Variants in AKAP10 observed in about 807,000 individuals in gnomAD.
AKAP10 encodes A-kinase anchor protein 10, mitochondrial.
In AKAP10, 24 loss-of-function variants were observed where a neutral mutation model predicts 80.8. That is an observed-to-expected ratio of 0.30 (90% CI 0.22 to 0.42). The LOEUF is 0.42. Ranked by LOEUF, AKAP10 falls within the 10% of genes least tolerant of loss-of-function variation. AKAP10 has a pLI of 1.00. For missense variants in AKAP10, 661 were observed against 794.9 expected (o/e 0.83, Z 2.03); for synonymous variants, 291 against 277.7 (o/e 1.05, Z -0.48).
rs1340457791 is a variant in AKAP10 at position 19,958,358 on chromosome 17, T to A, written c.533A>T (p.Lys178Met). The change falls in exon 4 of 15, where the codon AAG becomes ATG. Residue 178 changes from lysine to methionine, a missense_variant. Lys to Met is a moderately conservative substitution (Grantham distance 95, BLOSUM62 -1). Coordinates refer to ENST00000225737, the MANE Select transcript of AKAP10 (RefSeq NM_007202.4). The part of the protein sequence containing the change: ...RIRAHSLNTV[K>M]QSSLAEPVSP... ...GACAGGCTCAGCCAGTGAGCTCTGCTTCACTGTGTTTAGACTGTGTGCTCT... is the reference window on the plus strand; with the variant it reads ...GACAGGCTCAGCCAGTGAGCTCTGCATCACTGTGTTTAGACTGTGTGCTCT... The A allele has an allele frequency of 6.2e-7, 1 of 1,614,250 alleles. No individual in the cohort carries two copies. Among genetic ancestry groups the A allele is most frequent in the Admixed American group, 1.7e-5 (1 of 60,024 alleles).
intron 12 of AKAP10, among the ~76,000 whole-genome samples, chr17:19,916,829 C>T (rs972771817): frequency 6.6e-6 from 1 of 151,426 alleles, no homozygotes; most frequent in African/African-American, 2.4e-5. Flanking sequence ...CCCTGCTACT[C>T]AGGAGGCTGA....
At chr17:19,935,687 G>A (rs1049088817) in intron 9 of AKAP10, among the ~76,000 whole-genome samples, 13 of 151,754 alleles carry the variant, frequency 8.6e-5, no homozygotes, top group African/African-American at 1.2e-4. Context: ...CCTACACAGG[G>A]TCAGGATCAT....
chr17:19,946,222 TTATATATATATATATTA>T (rs1158381677), intron 5 of AKAP10, among the ~76,000 whole-genome samples: 1 of 33,960 alleles, frequency 2.9e-5, no homozygotes, highest in South Asian at 1.1e-3. Flanking sequence ...TATATATATT[TTATATATATATATATTA>T]TATATATATA....
At chr17:19,913,529 C>A (rs940814492) in intron 12 of AKAP10, among the ~76,000 whole-genome samples, 1 of 151,996 alleles carries the variant, frequency 6.6e-6, no homozygotes, top group Non-Finnish European at 1.5e-5. Flanking sequence ...CTCAGTGATC[C>A]GCTCGCCTTG....
chr17:19,936,960 A>G (rs2042998783), intron 8 of AKAP10, among the ~76,000 whole-genome samples: 1 of 152,214 alleles, frequency 6.6e-6, no homozygotes, highest in Admixed American at 6.5e-5. Context: ...CTATTTGGAT[A>G]GAACAGGACT....
chr17:19,945,550 G>A (rs548541405), intron 5 of AKAP10, among the ~76,000 whole-genome samples: 10 of 152,206 alleles, frequency 6.6e-5, no homozygotes, highest in Admixed American at 3.3e-4. Context: ...AAGCAGATAG[G>A]GATAAGCCAC....
chr17:19,950,777 G>T (rs961076861), intron 4 of AKAP10, among the ~76,000 whole-genome samples: 2 of 151,794 alleles, frequency 1.3e-5, no homozygotes, highest in Admixed American at 1.3e-4. Context: ...CCCATCGTCT[G>T]GGATGTGAGG....
intron 1 of AKAP10, 69 bp from the exon 2 acceptor site, chr17:19,968,530 T>A: frequency 7.9e-7 from 1 of 1,260,910 alleles, no homozygotes; most frequent in Admixed American, 1.8e-5. Flanking sequence ...ACTGTAAAAA[T>A]TAGACCAGCT....
At chr17:19,951,665 A>G (rs1368031612) in intron 4 of AKAP10, among the ~76,000 whole-genome samples, 3 of 149,210 alleles carry the variant, frequency 2.0e-5, no homozygotes, top group African/African-American at 2.5e-5. Context: ...GTGGTGCAAG[A>G]TGTGCTTTGT....
chr17:19,945,380 A>C (rs1014628599), intron 5 of AKAP10, among the ~76,000 whole-genome samples: 1 of 152,180 alleles, frequency 6.6e-6, no homozygotes, highest in African/African-American at 2.4e-5. Flanking sequence ...GGCAAACTCT[A>C]ATCAGTCAGA....
chr17:19,935,086 G>A (rs1463649351), intron 9 of AKAP10, among the ~76,000 whole-genome samples: 1 of 152,198 alleles, frequency 6.6e-6, no homozygotes, highest in Non-Finnish European at 1.5e-5. Context: ...ACATCACAGA[G>A]TGTACTTATA....
At chr17:19,946,237 T>TTATA (rs1171891537) in intron 5 of AKAP10, among the ~76,000 whole-genome samples, 66 of 15,146 alleles carry the variant, frequency 4.4e-3, no homozygotes, top group African/African-American at 8.6e-3. Context: ...TATATATATA[T>TTATA]TATATATATA....
Position 19,958,495 on chromosome 17 carries a change from G to A in AKAP10, c.396C>T (p.Asp132=), listed in dbSNP as rs760352064. 4 of 1,613,260 alleles carry A rather than the reference G, an allele frequency of 2.5e-6. No individual in the cohort carries two copies. The highest frequency in any genetic ancestry group is 1.1e-5 in the South Asian group (1 of 91,086). Residue 132 remains aspartate (D), a synonymous_variant, in exon 4 of 15, where the codon GAC becomes GAT. Coordinates refer to ENST00000225737, the MANE Select transcript of AKAP10 (RefSeq NM_007202.4). The part of the protein sequence containing the change: ...LSKTLEQVLH[D]TIVLPYFIQF... ...GAATGAAGTAAGGGAGGACAATAGT[G>A]TCGTGCAAGACTTGTTCAAGGGTCT...
In AKAP10 at chr17:19,968,465, G is replaced by C. The variant is rs114782139; in HGVS notation, c.89-4C>G. ...TTCTCTTGTTCTTTGCCTTTCACTA[G>C]AACATAAAAAGATAATTATGACCAA... On this transcript the variant is annotated splice_polypyrimidine_tract_variant and splice_region_variant and intron_variant, in intron 1 of 14. Coordinates refer to ENST00000225737, the MANE Select transcript of AKAP10 (RefSeq NM_007202.4). 825 of 1,613,052 alleles carry C rather than the reference G, an allele frequency of 5.1e-4. 5 individuals carry two copies. In the African/African-American group the frequency reaches 8.8e-3, roughly 17 times the overall value.
Position 19,909,973 on chromosome 17 carries a change from T to C in AKAP10, c.1840A>G (p.Met614Val), listed in dbSNP as rs2042671311. Residue 614 changes from methionine (M) to valine (V), a missense_variant, in exon 13 of 15, where the codon ATG becomes GTG. By Grantham distance (21) the Met-to-Val change is conservative. Transcript: ENST00000225737. ...EPDVRKSKGSMFSQAMKKWVQ... is the reference protein window; with the variant it reads ...EPDVRKSKGSVFSQAMKKWVQ... Reference sequence around the variant, plus strand: ...CATTTCTTCATAGCTTGTGAGAACATGGATCCTAGTAAACAAAGACAAAAT... The same window carrying C: ...CATTTCTTCATAGCTTGTGAGAACACGGATCCTAGTAAACAAAGACAAAAT... The C allele has an allele frequency of 6.2e-7, 1 of 1,613,500 alleles. No individual in the cohort carries two copies. Among genetic ancestry groups the C allele is most frequent in the South Asian group, 1.1e-5 (1 of 91,044 alleles).
chr17:19,958,412 C>T lies in AKAP10; in HGVS notation c.479G>A (p.Ser160Asn). The T allele has an allele frequency of 6.2e-7, 1 of 1,614,190 alleles. No individual in the cohort carries two copies. Among genetic ancestry groups the T allele is most frequent in the Non-Finnish European group, 8.5e-7 (1 of 1,180,032 alleles). The change falls in exon 4 of 15, where the codon AGT becomes AAT. Residue 160 changes from serine (S) to asparagine (N), a missense_variant. Ser to Asn is a conservative substitution (Grantham distance 46). Coordinates refer to ENST00000225737, the MANE Select transcript of AKAP10 (RefSeq NM_007202.4). The stretch of plus-strand genomic sequence containing the variant: ...TCGCGACCAAGTTGTTGAATGAAAA[C>T]TTTCAGCCTCTAACCAAAATTTCAC... ...HLVKFWLEAE[S>N]FHSTTWSRIR...
At chr17:19,915,988 C>G (rs972913499) in intron 12 of AKAP10, among the ~76,000 whole-genome samples, 3 of 152,220 alleles carry the variant, frequency 2.0e-5, no homozygotes, top group Admixed American at 6.5e-5. Context: ...CCTCCCAACT[C>G]ACTCACCTTC....
At chr17:19,910,273 C>T (rs2042674982) in intron 12 of AKAP10, among the ~76,000 whole-genome samples, 1 of 144,200 alleles carries the variant, frequency 6.9e-6, no homozygotes, top group African/African-American at 2.6e-5. Context: ...TTGAAGCGAG[C>T]TGAGATCGTG....
At chr17:19,910,975 C>T (rs1194869287) in intron 12 of AKAP10, among the ~76,000 whole-genome samples, 1 of 152,194 alleles carries the variant, frequency 6.6e-6, no homozygotes, top group East Asian at 1.9e-4. Flanking sequence ...TTTGAACATG[C>T]TCACTTCCTA....
Sources: gnomAD v4.1 joint callset for allele counts (sites outside exome capture counted in the v4.1 genomes callset) on GRCh38, gnomAD v4.1.1 for gene constraint, MANE v1.5 for transcripts, NCBI Gene and HGNC (gene_info 2026-07-23, HGNC 2026-07-21) for gene names.